RBFOX1: variants seen among roughly 807,000 people sequenced by gnomAD.
RBFOX1 encodes RNA binding protein fox-1 homolog 1.
RBFOX1 carries 8 observed loss-of-function variants against 57.7 expected under a neutral mutation model. That is an observed-to-expected ratio of 0.14 (90% confidence interval 0.08 to 0.25). The LOEUF is 0.25. Ranked by LOEUF, RBFOX1 falls within the 10% of genes least tolerant of loss-of-function variation. The pLI is 1.00. For missense variants in RBFOX1, 611 were observed against 548.5 expected (o/e 1.11, Z -1.14); for synonymous variants, 326 against 222.4 (o/e 1.47, Z -4.15).
chr16:7,176,031 G>C (rs1295399454), intron 4 of RBFOX1, among the ~76,000 whole-genome samples: 1 of 151,990 alleles, frequency 6.6e-6, no homozygotes, highest in South Asian at 2.1e-4. Flanking sequence ...AGTTCATTTT[G>C]ACATGTAACC....
At chr16:7,599,654 T>TTTTTTTTTTTC (rs2094907170) in intron 9 of RBFOX1, among the ~76,000 whole-genome samples, 1 of 107,740 alleles carries the variant, frequency 9.3e-6, no homozygotes, top group African/African-American at 2.9e-5. Flanking sequence ...TTTTTTTCTT[T>TTTTTTTTTTTC]TTTTTTTTTG....
chr16:6,246,807 G>C (rs760912927), intron 1 of RBFOX1, among the ~76,000 whole-genome samples: 1 of 152,136 alleles, frequency 6.6e-6, no homozygotes, highest in African/African-American at 2.4e-5. Context: ...TGTGGCTCAC[G>C]CCTATAATCC....
chr16:6,929,115 G>A (rs1473974672), intron 3 of RBFOX1, among the ~76,000 whole-genome samples: 4 of 152,106 alleles, frequency 2.6e-5, no homozygotes, highest in Non-Finnish European at 5.9e-5. Context: ...GGCCCACATT[G>A]CAACTCTTCA....
chr16:6,523,737 C>A (rs1442656808), intron 2 of RBFOX1, among the ~76,000 whole-genome samples: 3 of 152,158 alleles, frequency 2.0e-5, no homozygotes, highest in Non-Finnish European at 2.9e-5. Flanking sequence ...AGCCACATAG[C>A]CCCATTGGTT....
At chr16:5,612,957 A>G (rs1038384918) in intron 3 of RBFOX1, among the ~76,000 whole-genome samples, 1 of 152,122 alleles carries the variant, frequency 6.6e-6, no homozygotes, top group African/African-American at 2.4e-5. Context: ...CATAGAAAGG[A>G]CTCAATCCAC....
At position 5,507,195 on chromosome 16, in the gene RBFOX1, G is replaced by A. The variant is rs149194635; in HGVS notation, c.258+39941G>A. On this transcript the variant is annotated intron_variant, in intron 2 of 2. Transcript: ENST00000585867. ...GGTGTGTGAATTAGAATGATGCCTG[G>A]CACCGAATAAGCAACACCAACCACT... is the stretch of plus-strand genomic sequence containing the variant. Among the ~76,000 whole-genome samples the A allele has an allele frequency of 4.4e-4, 67 of 152,166 alleles. 1 individual carries two copies. The highest frequency in any genetic ancestry group is 1.6e-3 in the African/African-American group (65 of 41,518).
At chr16:7,357,221 G>A (rs1262795661) in intron 4 of RBFOX1, among the ~76,000 whole-genome samples, 1 of 145,442 alleles carries the variant, frequency 6.9e-6, no homozygotes, top group Non-Finnish European at 1.5e-5. Flanking sequence ...GATAAGAGTC[G>A]GCAGGAGAAA....
At chr16:6,403,586 C>A (rs2093163908) in intron 2 of RBFOX1, among the ~76,000 whole-genome samples, 1 of 152,086 alleles carries the variant, frequency 6.6e-6, no homozygotes, top group Non-Finnish European at 1.5e-5. Context: ...AACTCCTGGG[C>A]TCATGGGATC....
chr16:6,069,907 A>G (rs1231461704), intron 1 of RBFOX1, among the ~76,000 whole-genome samples: 1 of 152,130 alleles, frequency 6.6e-6, no homozygotes, highest in African/African-American at 2.4e-5. Flanking sequence ...GAATCACTTG[A>G]ACCCAGGAGG....
At chr16:5,849,008 G>T (rs139575763) in intron 3 of RBFOX1, among the ~76,000 whole-genome samples, 1 of 151,946 alleles carries the variant, frequency 6.6e-6, no homozygotes, top group African/African-American at 2.4e-5. Flanking sequence ...GTGGGGTGAG[G>T]GCAGGACAGG....
chr16:6,187,634 C>G (rs1389715607), intron 1 of RBFOX1, among the ~76,000 whole-genome samples: 2 of 152,082 alleles, frequency 1.3e-5, no homozygotes, highest in African/African-American at 2.4e-5. Flanking sequence ...GGCTGGAGAT[C>G]AGGATACAGG....
rs573769856 is a variant in RBFOX1, at chr16:6,676,947, ATTAC to A, written c.-16+22298_-16+22301del. Among the ~76,000 whole-genome samples, 540 of 152,116 alleles carry A rather than the reference ATTAC, an allele frequency of 3.5e-3. 1 individual carries two copies. Among genetic ancestry groups the A allele is most frequent in the African/African-American group, 0.012 (491 of 41,522 alleles). Reference sequence around the variant, plus strand: ...CACCTCGGCCTCCCAAAGTGCTGGGATTACAGGCATGAGCCACCATGCCCAGCCG... The same window carrying A: ...CACCTCGGCCTCCCAAAGTGCTGGGAAGGCATGAGCCACCATGCCCAGCCG... On this transcript the variant is annotated intron_variant, in intron 3 of 15. Coordinates refer to ENST00000550418, the MANE Select transcript of RBFOX1 (RefSeq NM_018723.4).
At chr16:5,815,511 G>C (rs2055601968) in intron 3 of RBFOX1, among the ~76,000 whole-genome samples, 1 of 152,042 alleles carries the variant, frequency 6.6e-6, no homozygotes, top group Non-Finnish European at 1.5e-5. Context: ...AATGGACCAA[G>C]AAAAGGTCCA....
intron 3 of RBFOX1, among the ~76,000 whole-genome samples, chr16:6,800,301 G>A (rs1429929993): frequency 6.6e-6 from 1 of 151,758 alleles, no homozygotes; most frequent in Non-Finnish European, 1.5e-5. Flanking sequence ...CTTAGTCCTG[G>A]GCCAACCAGA....
At chr16:6,832,505 T>G (rs1322056627) in intron 3 of RBFOX1, among the ~76,000 whole-genome samples, 1 of 152,236 alleles carries the variant, frequency 6.6e-6, no homozygotes, top group Non-Finnish European at 1.5e-5. Context: ...GGGTATTATC[T>G]TGAGATGCTG....
At chr16:7,423,573 C>T (rs144793034) in intron 4 of RBFOX1, among the ~76,000 whole-genome samples, 6 of 152,216 alleles carry the variant, frequency 3.9e-5, no homozygotes, top group African/African-American at 1.4e-4. Flanking sequence ...CCTACCCTCA[C>T]ACTACTGGAA....
intron 3 of RBFOX1, among the ~76,000 whole-genome samples, chr16:5,684,841 G>A (rs1039691099): frequency 6.6e-5 from 10 of 152,118 alleles, no homozygotes; most frequent in Non-Finnish European, 1.0e-4. Flanking sequence ...TTGGTTTCCT[G>A]CGTTATGATG....
intron 4 of RBFOX1, among the ~76,000 whole-genome samples, chr16:5,975,959 C>T (rs1043332175): frequency 1.3e-5 from 2 of 151,962 alleles, no homozygotes; most frequent in Non-Finnish European, 2.9e-5. Flanking sequence ...GCCTGGCCAA[C>T]ACGGTGAAAC....
intron 3 of RBFOX1, among the ~76,000 whole-genome samples, chr16:7,046,597 T>A (rs1205038033): frequency 2.2e-5 from 3 of 137,260 alleles, no homozygotes; most frequent in African/African-American, 8.3e-5. Context: ...AGTCTTTGTG[T>A]TTTATCTTTT....
Sources: gnomAD v4.1 joint callset for allele counts (sites outside exome capture counted in the v4.1 genomes callset) on GRCh38, gnomAD v4.1.1 for gene constraint, MANE v1.5 for transcripts, NCBI Gene and HGNC (gene_info 2026-07-23, HGNC 2026-07-21) for gene names.